The following SNAPC3 variants were observed in gnomAD, a reference collection of about 807,000 sequenced individuals.
SNAPC3 encodes the protein snRNA-activating protein complex subunit 3.
In SNAPC3, 56 loss-of-function variants were observed where a neutral mutation model predicts 47.7. The ratio of observed to expected loss-of-function variants is 1.18; its 90% CI spans 0.95 to 1.47. SNAPC3 has a LOEUF of 1.47. SNAPC3 is among the 40% of genes most tolerant of loss of function. SNAPC3 has a pLI of 0.00. For synonymous variants in SNAPC3, 235 were observed against 189.9 expected (o/e 1.24, Z -1.95); for missense variants, 665 against 511.3 (o/e 1.30, Z -2.90).
intron 8 of SNAPC3, 79 bp from the exon 9 acceptor site, chr9:15,459,640 A>G (rs1349852003): frequency 1.9e-6 from 2 of 1,071,744 alleles, no homozygotes; most frequent in African/African-American, 1.6e-5. Context: ...TTATATTTAC[A>G]TATTGCTACA....
In SNAPC3 at chr9:15,444,696, T is replaced by C; in HGVS notation, c.572T>C (p.Ile191Thr). The part of the protein sequence containing the change: ...ILSVNILYPV[I>T]FHKHKEHKPY... ...TCTGTGAATATCTTGTACCCTGTTATATTTCATAAGGTAAGTAGTAAAACC... is the reference window on the plus strand; with the variant it reads ...TCTGTGAATATCTTGTACCCTGTTACATTTCATAAGGTAAGTAGTAAAACC... Residue 191 changes from isoleucine (I) to threonine (T), a missense_variant, in exon 4 of 9, where the codon ATA becomes ACA. Physicochemically the swap from Ile to Thr is moderately conservative, Grantham distance 89. Transcript: ENST00000380821. 1.9e-6 allele frequency: 3 copies of C among 1,566,008 alleles called. No individual in the cohort carries two copies. Among genetic ancestry groups the C allele is most frequent in the Non-Finnish European group, 2.6e-6 (3 of 1,137,852 alleles).
intron 3 of SNAPC3, among the ~76,000 whole-genome samples, chr9:15,442,820 G>A (rs996486212): frequency 2.0e-5 from 3 of 152,198 alleles, no homozygotes; most frequent in South Asian, 2.1e-4. Context: ...CAAGGCAGGC[G>A]GCTGGGAGGT....
downstream of SNAPC3, chr9:15,464,084 T>C (rs1467408980): frequency 5.6e-6 from 1 of 178,380 alleles, no homozygotes; most frequent in South Asian, 2.0e-4. Flanking sequence ...AAAAATTCTT[T>C]AATGAAAACA....
chr9:15,440,688 G>A (rs992901877), intron 3 of SNAPC3, among the ~76,000 whole-genome samples: 2 of 152,106 alleles, frequency 1.3e-5, no homozygotes, highest in African/African-American at 2.4e-5. Context: ...GGTGGCTCAC[G>A]CCTGTAATCC....
chr9:15,455,315 C>T (rs148306859), intron 7 of SNAPC3, among the ~76,000 whole-genome samples: 162 of 152,184 alleles, frequency 1.1e-3, no homozygotes, highest in Middle Eastern at 3.4e-3. Context: ...GCCTGTAATC[C>T]CAGCACTTCG....
rs989714249 is a variant in SNAPC3 at position 15,459,971 on chromosome 9, A to G, written c.*105A>G. On this transcript the variant is annotated 3_prime_UTR_variant, in exon 9 of 9. Coordinates refer to ENST00000380821, the MANE Select transcript of SNAPC3 (RefSeq NM_001039697.2). ...CTGAGGAACAGGATCCACTTTGAAC[A>G]GTCCGCTAAAGCTATCAAAAAAAAG... 9.6e-6 allele frequency: 9 copies of G among 940,658 alleles called. No homozygotes were observed. Among genetic ancestry groups the G allele is most frequent in the Non-Finnish European group, 1.4e-5 (9 of 644,242 alleles). 58.3% of individuals were successfully genotyped at this position (940,658 alleles called of 1,614,324 possible). A position where few individuals can be genotyped will look rare whatever the true frequency, so the allele number is the denominator to read the frequency against.
At chr9:15,462,801 G>A (rs1305782291), downstream of SNAPC3, 2 of 152,162 alleles carry the variant, frequency 1.3e-5, no homozygotes, top group African/African-American at 4.8e-5. Context: ...ACACATTTCT[G>A]CCTATTAAAC....
At chr9:15,449,716 A>G (rs910397446) in intron 5 of SNAPC3, among the ~76,000 whole-genome samples, 2 of 151,096 alleles carry the variant, frequency 1.3e-5, no homozygotes, top group African/African-American at 4.9e-5. Context: ...AATTACAGGC[A>G]TGCACCACCA....
At chr9:15,465,692 C>G (rs1476126141), downstream of SNAPC3, 2 of 843,490 alleles carry the variant, frequency 2.4e-6, no homozygotes, top group Admixed American at 5.7e-5. Flanking sequence ...CTGAAACCAA[C>G]CAAACAAAAG....
At chr9:15,445,988 GAAACC>G (rs2131884085) in intron 4 of SNAPC3, among the ~76,000 whole-genome samples, 1 of 152,220 alleles carries the variant, frequency 6.6e-6, no homozygotes, top group South Asian at 2.1e-4. Flanking sequence ...ATCATAAAAA[GAAACC>G]AAACCAAAGT....
chr9:15,428,907 AG>A (rs1195639509), intron 2 of SNAPC3, among the ~76,000 whole-genome samples: 1 of 152,206 alleles, frequency 6.6e-6, no homozygotes, highest in Non-Finnish European at 1.5e-5. Flanking sequence ...TCCCTGAAGA[AG>A]AAAAAGAAAT....
chr9:15,459,201 T>G (rs1587422798), intron 8 of SNAPC3, among the ~76,000 whole-genome samples: 1 of 152,350 alleles, frequency 6.6e-6, no homozygotes, highest in East Asian at 1.9e-4. Flanking sequence ...TTTGGTTGAA[T>G]AATGTTGCCC....
At chr9:15,462,013 T>G (rs969545848), downstream of SNAPC3, 1 of 152,186 alleles carries the variant, frequency 6.6e-6, no homozygotes, top group African/African-American at 2.4e-5. Flanking sequence ...GGTAAAAATT[T>G]TGATTCCTTT....
intron 3 of SNAPC3, among the ~76,000 whole-genome samples, chr9:15,434,698 A>T (rs1044841916): frequency 6.6e-6 from 1 of 151,542 alleles, no homozygotes; most frequent in Admixed American, 6.6e-5. Context: ...GAGCCACAGC[A>T]CCCAGCCTAT....
intron 6 of SNAPC3, among the ~76,000 whole-genome samples, chr9:15,451,846 A>C (rs1282557925): frequency 1.3e-5 from 2 of 152,180 alleles, no homozygotes; most frequent in Non-Finnish European, 2.9e-5. Flanking sequence ...ATGGTGATAT[A>C]TATATATTGC....
At chr9:15,437,080 C>T (rs949360492) in intron 3 of SNAPC3, among the ~76,000 whole-genome samples, 1 of 152,006 alleles carries the variant, frequency 6.6e-6, no homozygotes, top group African/African-American at 2.4e-5. Context: ...CTGCCTCGGC[C>T]TCCCAAAATG....
chr9:15,465,651 T>C (rs1313086178), downstream of SNAPC3: 3 of 1,283,992 alleles, frequency 2.3e-6, no homozygotes, highest in Admixed American at 2.3e-5. Flanking sequence ...AGACATTAAG[T>C]CTGCATTATA....
At chr9:15,449,559 ATATATTTTTT>A (rs1490849134) in intron 5 of SNAPC3, among the ~76,000 whole-genome samples, 50 of 45,538 alleles carry the variant, frequency 1.1e-3, no homozygotes, top group African/African-American at 5.5e-3. Context: ...ATATATATAT[ATATATTTTTT>A]TTTTTTTTTT....
At chr9:15,465,271 T>C (rs371766012), downstream of SNAPC3, 1 of 421,162 alleles carries the variant, frequency 2.4e-6, no homozygotes, top group African/African-American at 2.1e-5. Context: ...CAACCATGTC[T>C]GGAAAAGCAG....
Sources: gnomAD v4.1 joint callset for allele counts (sites outside exome capture counted in the v4.1 genomes callset) on GRCh38, gnomAD v4.1.1 for gene constraint, MANE v1.5 for transcripts, NCBI Gene and HGNC (gene_info 2026-07-23, HGNC 2026-07-21) for gene names.